Variants in TRAK2 observed in about 807,000 individuals in gnomAD.
TRAK2 encodes the protein trafficking kinesin-binding protein 2.
A neutral mutation model predicts 104.6 loss-of-function variants in TRAK2; 81 were observed. That is an observed-to-expected ratio of 0.77 (90% CI 0.65 to 0.93). The LOEUF (loss-of-function observed/expected upper bound fraction) is 0.93, where lower values mean the gene tolerates loss of function less well. Ranked by LOEUF, TRAK2 falls within the 40% of genes least tolerant of loss-of-function variation. The pLI, the probability that TRAK2 is intolerant of heterozygous loss-of-function variation, is 0.00. For synonymous variants in TRAK2, 406 were observed against 394.4 expected, an observed-to-expected ratio of 1.03 and a Z score of -0.35; for missense variants, 1,002 against 1,089.0, an observed-to-expected ratio of 0.92 and a Z score of 1.12.
Position 201,416,664 on chromosome 2 carries a change from A to G in TRAK2, c.91+3753T>C, listed in dbSNP as rs537187062. Among the ~76,000 whole-genome samples, 14 of 152,274 alleles carry G rather than the reference A, an allele frequency of 9.2e-5. No individual in the cohort carries two copies. In the East Asian group the frequency reaches 2.7e-3, roughly 29 times the overall value. ...TATGTATATAACATATGTAGATGTAAAAGGCATAGTAATAATAATATGTAG... is the reference window on the plus strand; with the variant it reads ...TATGTATATAACATATGTAGATGTAGAAGGCATAGTAATAATAATATGTAG... On this transcript the variant is annotated intron_variant, in intron 2 of 15. Coordinates refer to ENST00000332624, the MANE Select transcript of TRAK2 (RefSeq NM_015049.3).
At chr2:201,440,355 T>C (rs1352013951) in intron 1 of TRAK2, among the ~76,000 whole-genome samples, 1 of 152,182 alleles carries the variant, frequency 6.6e-6, no homozygotes, top group Non-Finnish European at 1.5e-5. Context: ...GATAAGCAGG[T>C]TATCAGAACA....
intron 1 of TRAK2, among the ~76,000 whole-genome samples, chr2:201,445,551 G>A (rs566023145): frequency 3.2e-4 from 48 of 152,314 alleles, no homozygotes; most frequent in African/African-American, 1.1e-3. Context: ...CAGAATTGTC[G>A]GGAGAGAGCT....
chr2:201,388,117 C>A, intron 12 of TRAK2, 116 bp from the exon 13 acceptor site: 1 of 1,106,690 alleles, frequency 9.0e-7, no homozygotes, highest in Non-Finnish European at 1.4e-6. Flanking sequence ...TGATATTTTC[C>A]TAGATACCTG....
intron 8 of TRAK2, 190 bp from the exon 9 acceptor site, chr2:201,395,062 G>A: frequency 3.2e-6 from 2 of 620,602 alleles, no homozygotes; most frequent in Non-Finnish European, 5.5e-6. Context: ...GAGGACAATG[G>A]GCATGAGTCA....
chr2:201,436,483 AT>A (rs545778161), intron 1 of TRAK2, among the ~76,000 whole-genome samples: 9 of 152,250 alleles, frequency 5.9e-5, no homozygotes, highest in Non-Finnish European at 1.0e-4. Context: ...GTGCTAACAG[AT>A]TTAAGAATAT....
At chr2:201,381,391 T>C (rs970328911) in intron 15 of TRAK2, among the ~76,000 whole-genome samples, 173 bp from the exon 16 acceptor site, 1 of 152,168 alleles carries the variant, frequency 6.6e-6, no homozygotes, top group Admixed American at 6.5e-5. Flanking sequence ...AATTTTGACA[T>C]GATACTTCAA....
chr2:201,405,095 T>C (rs1951582282), intron 3 of TRAK2, among the ~76,000 whole-genome samples: 1 of 152,216 alleles, frequency 6.6e-6, no homozygotes, highest in Non-Finnish European at 1.5e-5. Context: ...GGTAATCCAC[T>C]GTATAAACGC....
intron 1 of TRAK2, among the ~76,000 whole-genome samples, chr2:201,440,626 T>A (rs186137851): frequency 3.9e-4 from 60 of 152,380 alleles, no homozygotes; most frequent in Non-Finnish European, 7.8e-4. Flanking sequence ...AGAATTTTAC[T>A]GTTAATTGCT....
intron 1 of TRAK2, among the ~76,000 whole-genome samples, chr2:201,449,845 A>G (rs1951999909): frequency 6.6e-6 from 1 of 151,804 alleles, no homozygotes; most frequent in Non-Finnish European, 1.5e-5. Context: ...GGGTTTCACC[A>G]TATTGGCCAG....
At chr2:201,417,241 C>CAAAAAAAAAAAAAAAAAAAAAAAAA (rs61702415) in intron 2 of TRAK2, among the ~76,000 whole-genome samples, 2 of 88,432 alleles carry the variant, frequency 2.3e-5, no homozygotes, top group Non-Finnish European at 4.3e-5. Flanking sequence ...GAAGACATTG[C>CAAAAAAAAAAAAAAAAAAAAAAAAA]AAAAAAAAAA....
chr2:201,402,114 A>G (rs1434470447), intron 3 of TRAK2, among the ~76,000 whole-genome samples: 1 of 152,108 alleles, frequency 6.6e-6, no homozygotes, highest in Admixed American at 6.6e-5. Context: ...CAAACATGAT[A>G]ATCTACTAAG....
At chr2:201,417,275 A>G (rs530517743) in intron 2 of TRAK2, among the ~76,000 whole-genome samples, 10 of 151,380 alleles carry the variant, frequency 6.6e-5, no homozygotes, top group South Asian at 2.1e-4. Context: ...GAAAAAAGAA[A>G]AAAGTACAAA....
At chr2:201,419,418 T>C (rs1364114398) in intron 2 of TRAK2, 12 of 154,838 alleles carry the variant, frequency 7.8e-5, no homozygotes, top group African/African-American at 2.6e-4. Context: ...CTGATACTTA[T>C]CACAAGTGGA....
intron 1 of TRAK2, among the ~76,000 whole-genome samples, chr2:201,442,349 C>G (rs1402887918): frequency 6.6e-6 from 1 of 151,356 alleles, no homozygotes; most frequent in African/African-American, 2.4e-5. Context: ...CGAGTTCGCA[C>G]CACTGCACTC....
chr2:201,381,207 G>C lies in TRAK2; in HGVS notation c.2081C>G (p.Pro694Arg). 1.3e-6 allele frequency: 2 copies of C among 1,588,914 alleles called. No homozygotes were observed. The highest frequency in any genetic ancestry group is 2.3e-5 in the South Asian group (2 of 88,852). Residue 694 changes from proline (P) to arginine (R), a missense_variant, in exon 16 of 16, where the codon CCT becomes CGT. Coordinates refer to ENST00000332624, the MANE Select transcript of TRAK2 (RefSeq NM_015049.3). ...ITQVTPSSGFPSLSCGSSGSS... is the reference protein window; with the variant it reads ...ITQVTPSSGFRSLSCGSSGSS... The stretch of plus-strand genomic sequence containing the variant: ...ACCGCTACTTCCACAGGATAATGAA[G>C]GGAACCCAGAGCTTAAAAAAAAAAA...
At chr2:201,437,337 C>T (rs1951886653) in intron 1 of TRAK2, among the ~76,000 whole-genome samples, 1 of 152,096 alleles carries the variant, frequency 6.6e-6, no homozygotes, top group South Asian at 2.1e-4. Flanking sequence ...TCTCTCTCTC[C>T]TTCTCTCCTC....
At chr2:201,413,312 T>A in intron 2 of TRAK2, 1 of 1,221,810 alleles carries the variant, frequency 8.2e-7, no homozygotes, top group Non-Finnish European at 1.2e-6. Context: ...ACTCCATGGC[T>A]GCAATATTGG....
At chr2:201,401,448 T>C (rs1951550169) in intron 3 of TRAK2, among the ~76,000 whole-genome samples, 1 of 152,034 alleles carries the variant, frequency 6.6e-6, no homozygotes. Flanking sequence ...TGCTTTACAG[T>C]CTAATCTAAA....
chr2:201,381,319 T>A (rs1040229533), intron 15 of TRAK2, 101 bp from the exon 16 acceptor site: 2 of 1,110,780 alleles, frequency 1.8e-6, no homozygotes, highest in African/African-American at 3.1e-5. Flanking sequence ...TTGGTAAATA[T>A]AAAGTAACAG....
Sources: gnomAD v4.1 joint callset for allele counts (sites outside exome capture counted in the v4.1 genomes callset) on GRCh38, gnomAD v4.1.1 for gene constraint, MANE v1.5 for transcripts, NCBI Gene and HGNC (gene_info 2026-07-23, HGNC 2026-07-21) for gene names.